Variants in PCDHGC4 observed in about 807,000 individuals in gnomAD.
PCDHGC4 encodes protocadherin gamma-C4.
In PCDHGC4, 15 loss-of-function variants were observed where a neutral mutation model predicts 59.7. The ratio of observed to expected loss-of-function variants is 0.25; its 90% CI spans 0.17 to 0.39. PCDHGC4 has a LOEUF of 0.39. PCDHGC4 is among the 10% of genes least tolerant of loss of function. PCDHGC4 has a pLI of 1.00. For missense variants in PCDHGC4, 1,016 were observed against 1,189.5 expected, an observed-to-expected ratio of 0.85 and a Z score of 2.15; for synonymous variants, 434 against 481.4, an observed-to-expected ratio of 0.90 and a Z score of 1.29.
intron 3 of PCDHGC4, among the ~76,000 whole-genome samples, chr5:141,509,880 T>C (rs1475661741): frequency 6.6e-6 from 1 of 152,184 alleles, no homozygotes; most frequent in African/African-American, 2.4e-5. Flanking sequence ...CTGGTGGTGA[T>C]GGTGACTGAC....
rs1194909537 is a variant in PCDHGC4 at position 141,511,022 on chromosome 5, T to C, written c.2666T>C (p.Phe889Ser). 1 of 1,614,176 alleles carries C rather than the reference T, an allele frequency of 6.2e-7. No individual in the cohort carries two copies. The highest frequency in any genetic ancestry group is 8.5e-7 in the Non-Finnish European group (1 of 1,180,020). ...MGLSARYGPQ[F>S]TLQHVPDYRQ... ...TTGAGCGCCCGCTACGGACCCCAGT[T>C]CACCCTGCAGCACGTGCCCGACTAC... The change falls in exon 4 of 4, where the codon TTC becomes TCC. Residue 889 changes from phenylalanine (F) to serine (S), a missense_variant. Transcript: ENST00000306593.
chr5:141,489,124 A>C lies in PCDHGC4; in HGVS notation c.2442+1509A>C. The C allele has an allele frequency of 3.6e-6, 2 of 556,652 alleles. No individual in the cohort carries two copies. Among genetic ancestry groups the C allele is most frequent in the South Asian group, 3.3e-5 (1 of 30,014 alleles). The allele number at this position is 556,652 out of a possible 1,614,324, so 34.5% of individuals were successfully genotyped here. On this transcript the variant is annotated intron_variant, in intron 1 of 3. Transcript: ENST00000306593. The surrounding 1 kb of genome is among the most constrained non-coding windows in gnomAD (Gnocchi z 4.5). ...GCTGCAAGCAGGCAAACCTCCGAGC[A>C]GTTTTTAAGAGGCTGGAAGGAGACA...
chr5:141,505,634 A>T, intron 3 of PCDHGC4, 153 bp downstream of exon 3: 6 of 971,426 alleles, frequency 6.2e-6, no homozygotes, highest in Non-Finnish European at 7.3e-6. Context: ...CCAAACATAA[A>T]GCCTGGAATT....
At position 141,491,305 on chromosome 5, in the gene PCDHGC4, G is replaced by T. The variant is rs1461861151; in HGVS notation, c.2443-3502G>T. 6.2e-7 allele frequency: 1 copy of T among 1,614,176 alleles called. No homozygotes were observed. Among genetic ancestry groups the T allele is most frequent in the African/African-American group, 1.3e-5 (1 of 75,048 alleles). ...CCTCATACACCCTCCTGAGCGTTCA[G>T]ACCTTACCCTTTACCTCATTGTGGC... On this transcript the variant is annotated intron_variant, in intron 1 of 3. Coordinates refer to ENST00000306593, the MANE Select transcript of PCDHGC4 (RefSeq NM_018928.3). This position sits in a 1 kb window ranked among gnomAD's most constrained non-coding sequence, Gnocchi z 6.9.
In PCDHGC4 at chr5:141,486,708, C is replaced by A; in HGVS notation, c.1535C>A (p.Pro512His). The change falls in exon 1 of 4, where the codon CCC becomes CAC. Residue 512 changes from proline to histidine, a missense_variant. Transcript: ENST00000306593. The surrounding 1 kb of genome is among the most constrained non-coding windows in gnomAD (Gnocchi z 5.0). ...VSASSFISLN[P>H]QTGAVHATRS... is the part of the protein sequence containing the mutation. ...GCTTCCTCTTTCATCTCTCTGAACC[C>A]CCAGACAGGAGCTGTTCATGCTACT... is the stretch of plus-strand genomic sequence containing the variant. 6.2e-7 allele frequency: 1 copy of A among 1,614,180 alleles called. No individual in the cohort carries two copies. Among genetic ancestry groups the A allele is most frequent in the South Asian group, 1.1e-5 (1 of 91,084 alleles).
intron 2 of PCDHGC4, among the ~76,000 whole-genome samples, chr5:141,505,119 G>A (rs371973470): frequency 3.1e-4 from 47 of 152,210 alleles, no homozygotes; most frequent in African/African-American, 1.0e-3. Flanking sequence ...CCAAGATCGC[G>A]CCACTGCACT....
chr5:141,505,326 G>A, intron 2 of PCDHGC4, 67 bp from the exon 3 acceptor site: 2 of 1,607,648 alleles, frequency 1.2e-6, no homozygotes, highest in East Asian at 2.2e-5. Context: ...AGCCCTGGGA[G>A]AGGACAGGAG....
In PCDHGC4 at chr5:141,512,517, A is replaced by G. The variant is rs985434754; in HGVS notation, c.*1344A>G. ...GTCCCCAGTGCGCCCCCTAGTGGCC[A>G]TAGCCTGGTTAAAGTTCCCCAGTGC... On this transcript the variant is annotated 3_prime_UTR_variant, in exon 4 of 4. Coordinates refer to ENST00000306593, the MANE Select transcript of PCDHGC4 (RefSeq NM_018928.3). 3 of 152,938 alleles carry G rather than the reference A, an allele frequency of 2.0e-5. No individual in the cohort carries two copies. Among genetic ancestry groups the G allele is most frequent in the African/African-American group, 7.2e-5 (3 of 41,464 alleles). 9.5% of individuals were successfully genotyped at this position (152,938 alleles called of 1,614,324 possible).
chr5:141,489,111 C>G lies in PCDHGC4; in HGVS notation c.2442+1496C>G. 1.9e-6 allele frequency: 1 copy of G among 518,042 alleles called. No individual in the cohort carries two copies. Among genetic ancestry groups the G allele is most frequent in the Non-Finnish European group, 3.2e-6 (1 of 308,182 alleles). The allele number at this position is 518,042 out of a possible 1,614,324, so 32.1% of individuals were successfully genotyped here. The stretch of plus-strand genomic sequence containing the variant: ...GTGACTAAGAACTGCTGCAAGCAGG[C>G]AAACCTCCGAGCAGTTTTTAAGAGG... On this transcript the variant is annotated intron_variant, in intron 1 of 3. Coordinates refer to ENST00000306593, the MANE Select transcript of PCDHGC4 (RefSeq NM_018928.3). This position sits in a 1 kb window ranked among gnomAD's most constrained non-coding sequence, Gnocchi z 4.5.
Position 141,490,083 on chromosome 5 carries a change from T to G in PCDHGC4, c.2442+2468T>G. Reference sequence around the variant, plus strand: ...CCAACGGCCAACTAGACTATTCTTTTGGAGACCACACATCTGAGGCAGTGC... The same window carrying G: ...CCAACGGCCAACTAGACTATTCTTTGGGAGACCACACATCTGAGGCAGTGC... On this transcript the variant is annotated intron_variant, in intron 1 of 3. Coordinates refer to ENST00000306593, the MANE Select transcript of PCDHGC4 (RefSeq NM_018928.3). This position sits in a 1 kb window ranked among gnomAD's most constrained non-coding sequence, Gnocchi z 5.4. 1.2e-6 allele frequency: 2 copies of G among 1,614,262 alleles called. No individual in the cohort carries two copies. The highest frequency in any genetic ancestry group is 1.7e-6 in the Non-Finnish European group (2 of 1,180,054).
rs909255357 is a variant in PCDHGC4 at position 141,489,178 on chromosome 5, C to A, written c.2442+1563C>A. 5 of 1,234,744 alleles carry A rather than the reference C, an allele frequency of 4.0e-6. No individual in the cohort carries two copies. The highest frequency in any genetic ancestry group is 2.3e-5 in the Admixed American group (1 of 42,922). The allele number at this position is 1,234,744 out of a possible 1,614,324, so 76.5% of individuals were successfully genotyped here. Reference sequence around the variant, plus strand: ...GAGACTTCAGCTGCTGCATTCCAAGCCCTGGGTCTACCTTGGAGACAGGAC... The same window carrying A: ...GAGACTTCAGCTGCTGCATTCCAAGACCTGGGTCTACCTTGGAGACAGGAC... On this transcript the variant is annotated intron_variant, in intron 1 of 3. Transcript: ENST00000306593. This position sits in a 1 kb window ranked among gnomAD's most constrained non-coding sequence, Gnocchi z 4.5.
At chr5:141,496,630 T>C (rs2099770022) in intron 2 of PCDHGC4, among the ~76,000 whole-genome samples, 1 of 152,202 alleles carries the variant, frequency 6.6e-6, no homozygotes, top group Non-Finnish European at 1.5e-5. Context: ...TCAAAAGGCT[T>C]GGGCTGCCCT....
In PCDHGC4 at chr5:141,490,706, T is replaced by C. The variant is rs777636562; in HGVS notation, c.2442+3091T>C. On this transcript the variant is annotated intron_variant, in intron 1 of 3. Coordinates refer to ENST00000306593, the MANE Select transcript of PCDHGC4 (RefSeq NM_018928.3). This position sits in a 1 kb window ranked among gnomAD's most constrained non-coding sequence, Gnocchi z 5.4. ...CCAGACACTGGGGATAATGCCCGCC[T>C]CACCTACTCCATTGTAGGAAATCAG... is the stretch of plus-strand genomic sequence containing the variant. The C allele has an allele frequency of 6.2e-7, 1 of 1,614,074 alleles. No homozygotes were observed. Among genetic ancestry groups the C allele is most frequent in the African/African-American group, 1.3e-5 (1 of 74,948 alleles).
intron 2 of PCDHGC4, among the ~76,000 whole-genome samples, chr5:141,499,234 A>G (rs1294400331): frequency 6.6e-6 from 1 of 152,008 alleles, no homozygotes; most frequent in Non-Finnish European, 1.5e-5. Flanking sequence ...AGCTGTCCCC[A>G]GCCTCTGCAC....
At chr5:141,495,209 C>T (rs548415564) in intron 2 of PCDHGC4, among the ~76,000 whole-genome samples, 1 of 152,342 alleles carries the variant, frequency 6.6e-6, no homozygotes, top group Admixed American at 6.5e-5. Flanking sequence ...GCCTAACCCC[C>T]TCCCCTGAGT....
Position 141,491,657 on chromosome 5 carries a change from A to T in PCDHGC4, c.2443-3150A>T. 1.2e-6 allele frequency: 2 copies of T among 1,613,740 alleles called. No homozygotes were observed. Among genetic ancestry groups the T allele is most frequent in the Non-Finnish European group, 1.7e-6 (2 of 1,180,006 alleles). On this transcript the variant is annotated intron_variant, in intron 1 of 3. Transcript: ENST00000306593. The surrounding 1 kb of genome is among the most constrained non-coding windows in gnomAD (Gnocchi z 6.9). ...CCCACAGCTCTGGCGCTGGAGCCTG[A>T]CGCCATCCGGTCCCGCTCTAATACG...
chr5:141,491,232 G>C lies in PCDHGC4; in HGVS notation c.2443-3575G>C. The C allele has an allele frequency of 6.2e-7, 1 of 1,614,220 alleles. No individual in the cohort carries two copies. Among genetic ancestry groups the C allele is most frequent in the Non-Finnish European group, 8.5e-7 (1 of 1,180,034 alleles). On this transcript the variant is annotated intron_variant, in intron 1 of 3. Coordinates refer to ENST00000306593, the MANE Select transcript of PCDHGC4 (RefSeq NM_018928.3). The surrounding 1 kb of genome is among the most constrained non-coding windows in gnomAD (Gnocchi z 6.9). ...TCTCCTCCACAGCCACAGTGCTGCT[G>C]GTTCTGGAGGATGAGGACCCTGAGG... is the stretch of plus-strand genomic sequence containing the variant.
intron 2 of PCDHGC4, among the ~76,000 whole-genome samples, chr5:141,496,419 C>T (rs1292183963): frequency 6.6e-6 from 1 of 152,174 alleles, no homozygotes; most frequent in Non-Finnish European, 1.5e-5. Flanking sequence ...TACTTGCTGT[C>T]CACATTTGCC....
chr5:141,487,001 C>T lies in PCDHGC4; in HGVS notation c.1828C>T (p.Leu610Phe). ...SGYNAWVSYQ[L>F]LEAPDPSLFA... ...TTACAATGCTTGGGTTTCCTATCAG[C>T]TCCTGGAGGCCCCAGATCCCAGCCT... Residue 610 changes from leucine (L) to phenylalanine (F), a missense_variant, in exon 1 of 4, where the codon CTC becomes TTC. By Grantham distance (22) the Leu-to-Phe change is conservative. Transcript: ENST00000306593. This position sits in a 1 kb window ranked among gnomAD's most constrained non-coding sequence, Gnocchi z 5.0. 6.2e-7 allele frequency: 1 copy of T among 1,614,218 alleles called. No individual in the cohort carries two copies. The highest frequency in any genetic ancestry group is 8.5e-7 in the Non-Finnish European group (1 of 1,180,038).
Sources: allele counts gnomAD v4.1 joint callset (sites outside exome capture counted in the v4.1 genomes callset), GRCh38; gene constraint gnomAD v4.1.1; non-coding constraint Gnocchi (gnomAD v3.1); transcripts MANE v1.5; gene names NCBI Gene and HGNC (gene_info 2026-07-23, HGNC 2026-07-21).